Variants in LINGO2 observed in about 807,000 individuals in gnomAD.
LINGO2 encodes the protein leucine rich repeat and Ig domain containing 2, also known as leucine-rich repeat and immunoglobulin-like domain-containing nogo receptor-interacting protein 2.
A neutral mutation model predicts 30.6 loss-of-function variants in LINGO2; 14 were observed. The observed-to-expected ratio is 0.46, with a 90% CI of 0.30 to 0.72. LINGO2 has a LOEUF of 0.72. LINGO2 is among the 30% of genes least tolerant of loss of function. The pLI is 0.07. For synonymous variants in LINGO2, 317 were observed against 288.5 expected (o/e 1.10, Z -1.00); for missense variants, 729 against 751.7 (o/e 0.97, Z 0.35).
intron 4 of LINGO2, among the ~76,000 whole-genome samples, chr9:28,272,443 C>T (rs192416300): frequency 8.6e-5 from 13 of 151,904 alleles, no homozygotes; most frequent in African/African-American, 3.1e-4. Context: ...TCTCCCATAT[C>T]GTCACATGGC....
At chr9:27,961,376 A>T (rs1306761675) in intron 5 of LINGO2, among the ~76,000 whole-genome samples, 2 of 152,182 alleles carry the variant, frequency 1.3e-5, no homozygotes, top group African/African-American at 4.8e-5. Flanking sequence ...GCATATTTCC[A>T]TTTATACTCC....
intron 5 of LINGO2, among the ~76,000 whole-genome samples, chr9:27,980,339 G>C (rs1298832116): frequency 6.6e-6 from 1 of 151,858 alleles, no homozygotes; most frequent in Non-Finnish European, 1.5e-5. Flanking sequence ...GCATTTTACA[G>C]GTTGAATCTG....
chr9:29,198,524 G>C, the LINGO2 span, among the ~76,000 whole-genome samples: 12 of 152,126 alleles, frequency 7.9e-5, no homozygotes, highest in Non-Finnish European at 1.5e-4. Flanking sequence ...GGACAGAAGA[G>C]TTAATGTCTG....
At chr9:28,583,863 T>A (rs1587909506) in intron 1 of LINGO2, among the ~76,000 whole-genome samples, 1 of 152,082 alleles carries the variant, frequency 6.6e-6, no homozygotes, top group East Asian at 1.9e-4. Context: ...TAAATAACTT[T>A]AAAAGGTTAT....
the LINGO2 span, among the ~76,000 whole-genome samples, chr9:28,883,859 G>A: frequency 2.7e-5 from 4 of 150,416 alleles, no homozygotes; most frequent in Non-Finnish European, 1.5e-5. Context: ...TATATTTTTG[G>A]TAGAGATGGG....
chr9:28,944,831 T>G, the LINGO2 span, among the ~76,000 whole-genome samples: 3 of 152,074 alleles, frequency 2.0e-5, no homozygotes, highest in East Asian at 5.8e-4. Flanking sequence ...AGCACACTGG[T>G]AAAAAACAAG....
chr9:28,300,040 A>C (rs1824077129), intron 3 of LINGO2, among the ~76,000 whole-genome samples: 1 of 152,102 alleles, frequency 6.6e-6, no homozygotes, highest in Non-Finnish European at 1.5e-5. Flanking sequence ...CAACAAACAA[A>C]ATAACAGGAT....
chr9:29,124,363 A>G, the LINGO2 span, among the ~76,000 whole-genome samples: 4 of 152,306 alleles, frequency 2.6e-5, no homozygotes, highest in Middle Eastern at 3.4e-3. Flanking sequence ...CAAAGACTTC[A>G]TGACTGAAAC....
At chr9:28,190,386 A>G (rs1819778605) in intron 4 of LINGO2, among the ~76,000 whole-genome samples, 2 of 152,206 alleles carry the variant, frequency 1.3e-5, no homozygotes, top group South Asian at 4.1e-4. Flanking sequence ...TGAACCGAAT[A>G]TTTTTGTTCC....
At chr9:29,080,976 C>A in the LINGO2 span, among the ~76,000 whole-genome samples, 1 of 151,744 alleles carries the variant, frequency 6.6e-6, no homozygotes, top group Non-Finnish European at 1.5e-5. Context: ...GCTTGGTGCT[C>A]AGCCAAATTC....
the LINGO2 span, among the ~76,000 whole-genome samples, chr9:28,760,124 G>A: frequency 6.6e-6 from 1 of 152,014 alleles, no homozygotes; most frequent in African/African-American, 2.4e-5. Context: ...TGGAAAAAAA[G>A]AATTTGTTTT....
intron 2 of LINGO2, among the ~76,000 whole-genome samples, chr9:28,395,451 G>A (rs959817648): frequency 6.6e-6 from 1 of 151,998 alleles, no homozygotes; most frequent in Admixed American, 6.6e-5. Context: ...GATGGATATT[G>A]TTGCATAAAG....
At chr9:27,988,548 GGT>G (rs1006531236) in intron 5 of LINGO2, among the ~76,000 whole-genome samples, 19 of 151,996 alleles carry the variant, frequency 1.3e-4, no homozygotes, top group African/African-American at 4.6e-4. Context: ...CATTCTAACT[GGT>G]GTGAGATGGT....
Position 28,269,006 on chromosome 9 carries a change from C to G in LINGO2, c.-87+26202G>C, listed in dbSNP as rs559388254. ...CACATTTCTCAGAATGCATGCTGTT[C>G]TTCCTGGACTCCCTCTCTGCACATG... On this transcript the variant is annotated intron_variant, in intron 4 of 5. Coordinates refer to ENST00000379992, the Ensembl canonical transcript of LINGO2. Among the ~76,000 whole-genome samples the G allele has an allele frequency of 4.6e-5, 7 of 152,148 alleles. No individual in the cohort carries two copies. In the East Asian group the frequency reaches 1.4e-3, roughly 29 times the overall value.
chr9:28,296,395 T>G (rs1451325040), intron 3 of LINGO2, among the ~76,000 whole-genome samples: 2 of 152,178 alleles, frequency 1.3e-5, no homozygotes, highest in African/African-American at 4.8e-5. Flanking sequence ...TTCTACGTAG[T>G]GCACAGAAAG....
intron 4 of LINGO2, among the ~76,000 whole-genome samples, chr9:28,208,468 C>G (rs184332091): frequency 2.6e-5 from 4 of 152,060 alleles, no homozygotes; most frequent in East Asian, 1.9e-4. Flanking sequence ...GAATTATAAC[C>G]TTTATTTCAA....
chr9:28,778,481 C>A, the LINGO2 span, among the ~76,000 whole-genome samples: 2 of 152,120 alleles, frequency 1.3e-5, no homozygotes, highest in African/African-American at 2.4e-5. Context: ...CAACACTATA[C>A]AGCTATTTTC....
intron 4 of LINGO2, among the ~76,000 whole-genome samples, chr9:28,013,380 G>A (rs1235527701): frequency 6.6e-6 from 1 of 152,164 alleles, no homozygotes; most frequent in African/African-American, 2.4e-5. Flanking sequence ...AAGCCCCAAG[G>A]TAAAAGGAAT....
intron 4 of LINGO2, among the ~76,000 whole-genome samples, chr9:28,016,292 G>A (rs1428782888): frequency 6.6e-6 from 1 of 152,132 alleles, no homozygotes; most frequent in Non-Finnish European, 1.5e-5. Flanking sequence ...TATGTCCAGG[G>A]TTTCCGTTGC....
Sources: gnomAD v4.1 joint callset for allele counts (sites outside exome capture counted in the v4.1 genomes callset) on GRCh38, gnomAD v4.1.1 for gene constraint, MANE v1.5 for transcripts, NCBI Gene and HGNC (gene_info 2026-07-23, HGNC 2026-07-21) for gene names.